LRRTM4: variants seen among roughly 807,000 people sequenced by gnomAD.
LRRTM4 encodes the protein leucine-rich repeat transmembrane neuronal protein 4.
Under a neutral mutation model 47.6 loss-of-function variants are expected in LRRTM4, and 25 were observed. That is an observed-to-expected ratio of 0.53 (90% CI 0.38 to 0.73). The LOEUF is 0.73. Ranked by LOEUF, LRRTM4 falls within the 30% of genes least tolerant of loss-of-function variation. LRRTM4 has a pLI of 0.00. For synonymous variants in LRRTM4, 311 were observed against 269.5 expected (o/e 1.15, Z -1.51); for missense variants, 638 against 713.4 (o/e 0.89, Z 1.20).
chr2:76,840,001 G>A (rs1013219410), intron 3 of LRRTM4, among the ~76,000 whole-genome samples: 1 of 152,052 alleles, frequency 6.6e-6, no homozygotes, highest in Admixed American at 6.6e-5. Context: ...AAGACACAAT[G>A]ATGAATAAGG....
intron 3 of LRRTM4, among the ~76,000 whole-genome samples, chr2:77,419,632 C>T (rs1674790968): frequency 6.6e-6 from 1 of 151,934 alleles, no homozygotes; most frequent in Admixed American, 6.6e-5. Flanking sequence ...TAGTTGAATC[C>T]ATGGATGTAA....
At chr2:77,288,849 TCA>T (rs1676736632) in intron 3 of LRRTM4, among the ~76,000 whole-genome samples, 1 of 152,052 alleles carries the variant, frequency 6.6e-6, no homozygotes, top group Non-Finnish European at 1.5e-5. Flanking sequence ...CAGCAGTATC[TCA>T]GCAGAAGCCA....
At chr2:77,008,333 T>G (rs536526660) in intron 3 of LRRTM4, among the ~76,000 whole-genome samples, 4 of 152,198 alleles carry the variant, frequency 2.6e-5, no homozygotes, top group Non-Finnish European at 5.9e-5. Flanking sequence ...AATTGTAATA[T>G]GTATTTTTTT....
At chr2:76,818,255 T>C (rs762278442) in intron 3 of LRRTM4, among the ~76,000 whole-genome samples, 6 of 151,896 alleles carry the variant, frequency 4.0e-5, no homozygotes, top group Non-Finnish European at 8.8e-5. Flanking sequence ...TCTGAAAACA[T>C]GGTGTTTTAT....
At position 76,854,677 on chromosome 2, in the gene LRRTM4, C is replaced by T. The variant is rs559107155; in HGVS notation, c.1552-105761G>A. 2.0e-5 allele frequency among the ~76,000 whole-genome samples: 3 copies of T among 152,252 alleles called. No individual in the cohort carries two copies. In the East Asian group the frequency reaches 5.8e-4, roughly 29 times the overall value. ...CTTATGACATAAATGAGCTACTGGG[C>T]TTGCTCTAGATTATCTAACTTAGAT... On this transcript the variant is annotated intron_variant, in intron 3 of 3. Transcript: ENST00000409884.
chr2:77,123,943 C>G (rs554167266), intron 3 of LRRTM4, among the ~76,000 whole-genome samples: 1 of 152,174 alleles, frequency 6.6e-6, no homozygotes, highest in African/African-American at 2.4e-5. Flanking sequence ...GATGGTTAGA[C>G]AGTGGAAATA....
chr2:77,456,212 G>T (rs557244384), intron 3 of LRRTM4, among the ~76,000 whole-genome samples: 13 of 152,140 alleles, frequency 8.5e-5, no homozygotes, highest in African/African-American at 2.2e-4. Flanking sequence ...AATTCCTGAC[G>T]CAGTCTACTG....
At chr2:77,520,338 T>TA (rs1321040550) in intron 2 of LRRTM4, among the ~76,000 whole-genome samples, 1 of 152,094 alleles carries the variant, frequency 6.6e-6, no homozygotes, top group Non-Finnish European at 1.5e-5. Flanking sequence ...AGAGCTTCAG[T>TA]AAGCTGTCAA....
chr2:76,932,008 A>C (rs897447886), intron 3 of LRRTM4, among the ~76,000 whole-genome samples: 3 of 152,200 alleles, frequency 2.0e-5, no homozygotes, highest in African/African-American at 7.2e-5. Flanking sequence ...ATTTGGCTCC[A>C]GTTACTTTAT....
chr2:77,441,368 G>T (rs145514314), intron 3 of LRRTM4, among the ~76,000 whole-genome samples: 1 of 152,096 alleles, frequency 6.6e-6, no homozygotes, highest in Non-Finnish European at 1.5e-5. Context: ...AATATTTATC[G>T]GATGCTTACT....
At chr2:77,217,865 T>C (rs575254535) in intron 3 of LRRTM4, among the ~76,000 whole-genome samples, 2 of 152,178 alleles carry the variant, frequency 1.3e-5, no homozygotes, top group African/African-American at 2.4e-5. Context: ...ATAAACACAA[T>C]GTGTATGTTA....
At chr2:77,202,642 G>A (rs1048904317) in intron 3 of LRRTM4, among the ~76,000 whole-genome samples, 9 of 151,616 alleles carry the variant, frequency 5.9e-5, no homozygotes, top group African/African-American at 2.2e-4. Flanking sequence ...AGTTATCCAA[G>A]CTTTGTAACT....
At chr2:77,512,779 G>A (rs1679069465) in intron 3 of LRRTM4, among the ~76,000 whole-genome samples, 1 of 152,042 alleles carries the variant, frequency 6.6e-6, no homozygotes, top group South Asian at 2.1e-4. Flanking sequence ...GGATATTATT[G>A]GGGTGTGTCA....
chr2:76,841,465 A>G (rs1419289182), intron 3 of LRRTM4, among the ~76,000 whole-genome samples: 1 of 152,046 alleles, frequency 6.6e-6, no homozygotes, highest in Non-Finnish European at 1.5e-5. Context: ...CTCTGACCAT[A>G]CATCCAGGAA....
In LRRTM4 at chr2:77,023,186, C is replaced by T. The variant is rs1009555537; in HGVS notation, c.1552-274270G>A. Reference sequence around the variant, plus strand: ...CACAGCCCAAGCTCTATGTTGGCCCCTTTCAGCCAAGGCTGGAGTGGCTGA... The same window carrying T: ...CACAGCCCAAGCTCTATGTTGGCCCTTTTCAGCCAAGGCTGGAGTGGCTGA... On this transcript the variant is annotated intron_variant, in intron 3 of 3. Transcript: ENST00000409884. Among the ~76,000 whole-genome samples, 4 of 152,244 alleles carry T rather than the reference C, an allele frequency of 2.6e-5. No individual in the cohort carries two copies. In the East Asian group the frequency reaches 7.7e-4, roughly 29 times the overall value.
intron 3 of LRRTM4, among the ~76,000 whole-genome samples, chr2:77,048,540 A>C (rs1419338004): frequency 1.3e-5 from 2 of 152,042 alleles, no homozygotes; most frequent in African/African-American, 4.8e-5. Context: ...AGTTCTAAAT[A>C]AAAATTCTAT....
At chr2:77,336,241 GAAGA>G (rs1249241369) in intron 3 of LRRTM4, among the ~76,000 whole-genome samples, 2 of 149,246 alleles carry the variant, frequency 1.3e-5, no homozygotes, top group African/African-American at 2.5e-5. Context: ...AGGAAGGAAG[GAAGA>G]AAGGAAAGAA....
intron 3 of LRRTM4, among the ~76,000 whole-genome samples, chr2:77,368,733 C>T (rs908194138): frequency 6.6e-5 from 10 of 151,448 alleles, no homozygotes; most frequent in East Asian, 1.9e-4. Context: ...GTGGTCCAAA[C>T]GAAAGGAAAG....
intron 3 of LRRTM4, among the ~76,000 whole-genome samples, chr2:76,921,956 C>T (rs549811471): frequency 6.6e-6 from 1 of 152,200 alleles, no homozygotes; most frequent in South Asian, 2.1e-4. Context: ...TTTTCACGTT[C>T]ATTGCAGCAT....
Sources: allele counts gnomAD v4.1 joint callset (sites outside exome capture counted in the v4.1 genomes callset), GRCh38; gene constraint gnomAD v4.1.1; transcripts MANE v1.5; gene names NCBI Gene and HGNC (gene_info 2026-07-23, HGNC 2026-07-21).